DMXL1: variants seen among roughly 807,000 people sequenced by gnomAD.
DMXL1 encodes Dmx like 1.
DMXL1 carries 99 observed loss-of-function variants against 319.2 expected under a neutral mutation model. The ratio of observed to expected loss-of-function variants is 0.31; its 90% CI spans 0.26 to 0.37. DMXL1 has a LOEUF of 0.37. Among genes scored for constraint, DMXL1 ranks in the 10% least tolerant of loss-of-function variants. DMXL1 has a pLI of 1.00. For synonymous variants in DMXL1, 1,385 were observed against 1,235.2 expected (o/e 1.12, Z -2.54); for missense variants, 3,745 against 3,595.6 (o/e 1.04, Z -1.06).
intron 33 of DMXL1, 72 bp downstream of exon 33, chr5:119,203,508 T>C (rs1561867502): frequency 1.2e-6 from 1 of 857,926 alleles, no homozygotes; most frequent in African/African-American, 1.7e-5. Context: ...ACCATTAAAA[T>C]GAGTTGTATT....
At chr5:119,242,538 G>A (rs10071407) in intron 42 of DMXL1, among the ~76,000 whole-genome samples, 25,545 of 152,066 alleles carry the variant, frequency 0.17, 2,366 homozygotes, top group Middle Eastern at 0.25. Context: ...ATGTCAGTTC[G>A]TCTTGATTTT....
chr5:119,076,554 C>T (rs1258839930), intron 1 of DMXL1, among the ~76,000 whole-genome samples: 1 of 151,934 alleles, frequency 6.6e-6, no homozygotes, highest in Admixed American at 6.6e-5. Flanking sequence ...AATATGTTGG[C>T]CTGTTTTAAA....
chr5:119,084,747 T>C (rs1321525179), intron 1 of DMXL1, among the ~76,000 whole-genome samples: 1 of 151,662 alleles, frequency 6.6e-6, no homozygotes, highest in African/African-American at 2.4e-5. Flanking sequence ...TGCCTGTAAT[T>C]CCGGCTACTC....
chr5:119,071,763 A>C, intron 1 of DMXL1, 107 bp downstream of exon 1: 2 of 1,046,584 alleles, frequency 1.9e-6, no homozygotes, highest in South Asian at 3.2e-5. Context: ...TTGTCTCCCC[A>C]GGGGGGTCCT....
At chr5:119,167,562 A>G (rs1773685742) in intron 22 of DMXL1, 41 bp from the exon 23 acceptor site, 4 of 1,496,216 alleles carry the variant, frequency 2.7e-6, no homozygotes, top group Non-Finnish European at 2.7e-6. Flanking sequence ...CTAAAATGAA[A>G]CCTGCTCCTG....
intron 37 of DMXL1, among the ~76,000 whole-genome samples, chr5:119,223,788 A>G (rs535206250): frequency 1.3e-5 from 2 of 152,308 alleles, no homozygotes; most frequent in African/African-American, 2.4e-5. Flanking sequence ...TATTAAAAAA[A>G]GAAGACAAAA....
chr5:119,121,018 T>G lies in DMXL1; in HGVS notation c.981T>G (p.Leu327=), dbSNP rs201093854. ...GAGGTCGGAGGAGATCACTTGCTCT[T>G]GTAGCACATACGGGATATCTACCAC... is the stretch of plus-strand genomic sequence containing the variant. ...FRRGRRRSLA[L]VAHTGYLPHQ... is the part of the protein sequence containing the mutation. Residue 327 remains leucine (L), a synonymous_variant, in exon 9 of 44, where the codon CTT becomes CTG. Coordinates refer to ENST00000539542, the MANE Select transcript of DMXL1 (RefSeq NM_001290321.3). 6.2e-7 allele frequency: 1 copy of G among 1,613,710 alleles called. No homozygotes were observed. Among genetic ancestry groups the G allele is most frequent in the African/African-American group, 1.3e-5 (1 of 75,040 alleles).
intron 42 of DMXL1, among the ~76,000 whole-genome samples, chr5:119,242,707 C>T (rs73247074): frequency 0.022 from 3,399 of 152,258 alleles, 125 homozygotes; most frequent in African/African-American, 0.077. Flanking sequence ...GATTTCAACA[C>T]TTATAAGCTA....
At position 119,143,887 on chromosome 5, in the gene DMXL1, C is replaced by A; in HGVS notation, c.2423C>A (p.Ala808Asp). 6.3e-7 allele frequency: 1 copy of A among 1,585,714 alleles called. No individual in the cohort carries two copies. The highest frequency in any genetic ancestry group is 8.6e-7 in the Non-Finnish European group (1 of 1,166,384). ...AACATCGTCAGTCAACAATCAACAGCCAGGCCAGGATGCATTATTGCATTA... is the reference window on the plus strand; with the variant it reads ...AACATCGTCAGTCAACAATCAACAGACAGGCCAGGATGCATTATTGCATTA... Reference protein sequence around the residue: ...VFNIVSQQSTARPGCIIALDP... With the variant: ...VFNIVSQQSTDRPGCIIALDP... The change falls in exon 14 of 44, where the codon GCC becomes GAC. Residue 808 changes from alanine (A) to aspartate (D), a missense_variant. By Grantham distance (126) the Ala-to-Asp change is moderately radical (BLOSUM62 -2). Around this residue, in one of 4 missense-constraint regions of DMXL1, gnomAD observed 2,096 missense variants for 1,985.4 expected, o/e 1.06. Transcript: ENST00000539542.
At chr5:119,093,570 G>T (rs888328535) in intron 1 of DMXL1, among the ~76,000 whole-genome samples, 1 of 152,166 alleles carries the variant, frequency 6.6e-6, no homozygotes, top group African/African-American at 2.4e-5. Context: ...ATTATGAATA[G>T]TGACAACCCT....
intron 34 of DMXL1, among the ~76,000 whole-genome samples, chr5:119,209,054 T>C (rs994246400): frequency 6.6e-6 from 1 of 152,246 alleles, no homozygotes; most frequent in Admixed American, 6.5e-5. Context: ...TCATTCTTGT[T>C]ATTTTGATGC....
At chr5:119,131,670 C>A (rs895477774) in intron 10 of DMXL1, among the ~76,000 whole-genome samples, 1 of 152,170 alleles carries the variant, frequency 6.6e-6, no homozygotes, top group Non-Finnish European at 1.5e-5. Flanking sequence ...AAATATAGAA[C>A]ATCTGCATTG....
chr5:119,118,913 G>A lies in DMXL1; in HGVS notation c.842G>A (p.Gly281Asp), dbSNP rs1325140809. 1 of 1,613,850 alleles carries A rather than the reference G, an allele frequency of 6.2e-7. No homozygotes were observed. Among genetic ancestry groups the A allele is most frequent in the Non-Finnish European group, 8.5e-7 (1 of 1,179,856 alleles). ...FLPNDCLLYG[G>D]DCSHWTESIN... is the part of the protein sequence containing the mutation. ...CCAAATGATTGTTTGCTATACGGAG[G>A]TGACTGCAGCCATTGGACTGAATCA... Residue 281 changes from glycine to aspartate, a missense_variant, in exon 8 of 44, where the codon GGT becomes GAT. Around this residue, in one of 4 missense-constraint regions of DMXL1, gnomAD observed 2,096 missense variants for 1,985.4 expected, o/e 1.06. Transcript: ENST00000539542.
intron 18 of DMXL1, among the ~76,000 whole-genome samples, chr5:119,150,758 C>A (rs1378547923): frequency 2.0e-5 from 3 of 151,746 alleles, no homozygotes; most frequent in African/African-American, 7.3e-5. Flanking sequence ...CACTGCACTA[C>A]AGCCTGGACA....
At chr5:119,091,157 A>G (rs575523623) in intron 1 of DMXL1, among the ~76,000 whole-genome samples, 2 of 152,170 alleles carry the variant, frequency 1.3e-5, no homozygotes, top group Non-Finnish European at 2.9e-5. Flanking sequence ...GGTTGGGGTC[A>G]GGTTCCTTGC....
At chr5:119,116,411 T>G in intron 7 of DMXL1, 75 bp downstream of exon 7, 1 of 1,467,418 alleles carries the variant, frequency 6.8e-7, no homozygotes, top group Non-Finnish European at 9.3e-7. Context: ...TCTCTCACTT[T>G]TGAGAGTCCA....
intron 34 of DMXL1, among the ~76,000 whole-genome samples, chr5:119,207,454 A>G (rs1050661505): frequency 2.0e-4 from 30 of 152,180 alleles, no homozygotes; most frequent in Admixed American, 1.4e-3. Flanking sequence ...AGCACAAAAG[A>G]TGAGAATCTG....
rs1315261461 is a variant in DMXL1, at chr5:119,071,374, C to A, written c.-196C>A. 5 of 567,352 alleles carry A rather than the reference C, an allele frequency of 8.8e-6. No homozygotes were observed. Among genetic ancestry groups the A allele is most frequent in the Non-Finnish European group, 1.5e-5 (5 of 327,136 alleles). The allele number at this position is 567,352 out of a possible 1,614,324, so 35.1% of individuals were successfully genotyped here. On this transcript the variant is annotated 5_prime_UTR_variant, in exon 1 of 44. Coordinates refer to ENST00000539542, the MANE Select transcript of DMXL1 (RefSeq NM_001290321.3). The stretch of plus-strand genomic sequence containing the variant: ...CTCCGCCCTCTCGCCGACCCGCCCC[C>A]TCCGGGCCTCGCCCTCCGGGGCTCG...
At chr5:119,094,208 C>T (rs1014290894) in intron 1 of DMXL1, among the ~76,000 whole-genome samples, 20 of 152,342 alleles carry the variant, frequency 1.3e-4, no homozygotes, top group African/African-American at 4.1e-4. Context: ...CAATGCCTGG[C>T]TTCAAAGCTT....
Sources: gnomAD v4.1 joint callset for allele counts (sites outside exome capture counted in the v4.1 genomes callset) on GRCh38, gnomAD v4.1.1 for gene constraint, gnomAD v4.1.1 regional missense constraint, MANE v1.5 for transcripts, NCBI Gene and HGNC (gene_info 2026-07-23, HGNC 2026-07-21) for gene names.